FRMD6: variants seen among roughly 807,000 people sequenced by gnomAD.
The protein encoded by FRMD6 is FERM domain containing 6.
In FRMD6, 37 loss-of-function variants were observed where a neutral mutation model predicts 73.2. The ratio of observed to expected loss-of-function variants is 0.51; its 90% CI spans 0.39 to 0.66. The LOEUF (loss-of-function observed/expected upper bound fraction) is 0.66, where lower values mean the gene tolerates loss of function less well. Ranked by LOEUF, FRMD6 falls within the 30% of genes least tolerant of loss-of-function variation. FRMD6 has a pLI of 0.00. For missense variants in FRMD6, 714 were observed against 780.5 expected (o/e 0.91, Z 1.02); for synonymous variants, 273 against 282.2 (o/e 0.97, Z 0.33).
intron 2 of FRMD6, among the ~76,000 whole-genome samples, chr14:51,630,107 C>A (rs1891280193): frequency 6.6e-6 from 1 of 152,066 alleles, no homozygotes; most frequent in Non-Finnish European, 1.5e-5. Flanking sequence ...GAAAAACCAG[C>A]AAAATCAAGA....
intron 1 of FRMD6, among the ~76,000 whole-genome samples, chr14:51,679,739 T>C (rs983799581): frequency 6.6e-6 from 1 of 152,170 alleles, no homozygotes; most frequent in African/African-American, 2.4e-5. Context: ...TCACTTCTTT[T>C]ATGGGCTTCA....
At chr14:51,653,314 G>A (rs1261808162) in intron 1 of FRMD6, among the ~76,000 whole-genome samples, 2 of 152,180 alleles carry the variant, frequency 1.3e-5, no homozygotes, top group East Asian at 1.9e-4. Flanking sequence ...TTGCCACAGG[G>A]TGTAGTTTGG....
intron 2 of FRMD6, 110 bp downstream of exon 2, chr14:51,690,045 CAT>C (rs911408876): frequency 7.9e-6 from 6 of 759,804 alleles, no homozygotes; most frequent in African/African-American, 1.7e-5. Flanking sequence ...GGGCAGTAAT[CAT>C]GTGGCAGAAT....
In FRMD6 at chr14:51,548,489, G is replaced by A. The variant is rs570717784; in HGVS notation, c.-209-21859G>A. Among the ~76,000 whole-genome samples the A allele has an allele frequency of 2.0e-5, 3 of 152,138 alleles. No homozygotes were observed. In the South Asian group the frequency reaches 6.2e-4, roughly 32 times the overall value. On this transcript the variant is annotated intron_variant, in intron 1 of 14. Transcript: ENST00000356218. Reference sequence around the variant, plus strand: ...CCTAACACAACCTGGCTGGCTTAGGGTAATTAGCTCTGGATCCCTTCTTCT... The same window carrying A: ...CCTAACACAACCTGGCTGGCTTAGGATAATTAGCTCTGGATCCCTTCTTCT...
chr14:51,669,246 T>C (rs1893827725), intron 1 of FRMD6, among the ~76,000 whole-genome samples: 1 of 152,216 alleles, frequency 6.6e-6, no homozygotes, highest in Admixed American at 6.5e-5. Context: ...CTCTTTGTTG[T>C]TGGGTGGTAT....
At chr14:51,686,718 A>G (rs1272398767) in intron 1 of FRMD6, among the ~76,000 whole-genome samples, 2 of 152,152 alleles carry the variant, frequency 1.3e-5, no homozygotes, top group African/African-American at 4.8e-5. Context: ...GTAGTAAGAA[A>G]TGTGTCCTCC....
At chr14:51,696,609 T>G (rs1482614854) in intron 2 of FRMD6, among the ~76,000 whole-genome samples, 3 of 151,626 alleles carry the variant, frequency 2.0e-5, no homozygotes, top group African/African-American at 7.3e-5. Flanking sequence ...AAAATAACAG[T>G]GATAAATTAA....
the FRMD6 span, chr14:51,436,336 AC>A: frequency 2.6e-6 from 1 of 383,468 alleles, no homozygotes; most frequent in South Asian, 3.0e-5. Context: ...ACATTTGTTA[AC>A]CATCCAAAAG....
intron 1 of FRMD6, among the ~76,000 whole-genome samples, chr14:51,528,167 AG>A (rs1212033459): frequency 6.6e-6 from 1 of 152,114 alleles, no homozygotes; most frequent in African/African-American, 2.4e-5. Flanking sequence ...AAACAAAACA[AG>A]AAAGAAAGCA....
At chr14:51,638,687 A>AGAT (rs1891682115) in intron 2 of FRMD6, among the ~76,000 whole-genome samples, 1 of 152,206 alleles carries the variant, frequency 6.6e-6, no homozygotes, top group African/African-American at 2.4e-5. Context: ...GCTGAGTTGC[A>AGAT]GATGGAATGT....
chr14:51,487,282 T>C (rs571638011), upstream of FRMD6, among the ~76,000 whole-genome samples: 31 of 152,360 alleles, frequency 2.0e-4, no homozygotes, highest in African/African-American at 7.2e-4. Flanking sequence ...TTTGATTACA[T>C]TATTTTTGGT....
chr14:51,628,646 C>G (rs1422601477), intron 2 of FRMD6, among the ~76,000 whole-genome samples: 1 of 151,692 alleles, frequency 6.6e-6, no homozygotes, highest in African/African-American at 2.4e-5. Flanking sequence ...AATGCCATCT[C>G]TACTAAAAGT....
rs1883247862 is a variant in FRMD6, at chr14:51,495,551, G to A, written c.-210+6131G>A. On this transcript the variant is annotated intron_variant, in intron 1 of 14. Coordinates refer to the FRMD6 transcript ENST00000356218. ...CAAATACAAGCATTGTCTCCCGACA[G>A]TCCTAGGCTGCCCTGTTCTTTATTA... 2.0e-5 allele frequency among the ~76,000 whole-genome samples: 3 copies of A among 152,200 alleles called. No homozygotes were observed. The South Asian group carries it at 6.2e-4, about 32-fold the overall frequency.
At chr14:51,513,188 C>T (rs1322289854) in intron 1 of FRMD6, among the ~76,000 whole-genome samples, 3 of 152,180 alleles carry the variant, frequency 2.0e-5, no homozygotes, top group Non-Finnish European at 4.4e-5. Flanking sequence ...CTGCATTCCA[C>T]AAGCTCCCAG....
intron 1 of FRMD6, among the ~76,000 whole-genome samples, chr14:51,529,188 G>C (rs1047386347): frequency 6.6e-6 from 1 of 152,224 alleles, no homozygotes; most frequent in Admixed American, 6.5e-5. Flanking sequence ...GTGTCTGAAA[G>C]CATATATTAT....
intron 3 of FRMD6, among the ~76,000 whole-genome samples, 181 bp downstream of exon 3, chr14:51,698,413 T>C (rs1029957332): frequency 3.9e-5 from 6 of 152,106 alleles, no homozygotes; most frequent in African/African-American, 1.4e-4. Context: ...TTTCTATGTA[T>C]TTTTTACAAT....
intron 1 of FRMD6, among the ~76,000 whole-genome samples, chr14:51,564,642 C>T (rs951632381): frequency 6.6e-6 from 1 of 152,140 alleles, no homozygotes. Context: ...TGAAAAGCAG[C>T]ACAACAGCCT....
chr14:51,663,184 C>A (rs7155793), intron 1 of FRMD6, among the ~76,000 whole-genome samples: 118,410 of 152,112 alleles, frequency 0.78, 46,428 homozygotes, highest in Non-Finnish European at 0.83. Context: ...AAATTAGTTC[C>A]ACCATTGTGG....
chr14:51,675,625 G>T (rs1029422611), intron 1 of FRMD6, among the ~76,000 whole-genome samples: 13 of 152,134 alleles, frequency 8.5e-5, no homozygotes, highest in African/African-American at 2.9e-4. Flanking sequence ...CCCCAAGGGG[G>T]TGTTAAACAA....
Sources: gnomAD v4.1 joint callset for allele counts (sites outside exome capture counted in the v4.1 genomes callset) on GRCh38, gnomAD v4.1.1 for gene constraint, MANE v1.5 for transcripts, NCBI Gene and HGNC (gene_info 2026-07-23, HGNC 2026-07-21) for gene names.